The following LACC1 variants were observed in gnomAD, a reference collection of about 807,000 sequenced individuals.
LACC1 encodes laccase domain multifunctional purine nucleosidase 1.
Under a neutral mutation model 34.8 loss-of-function variants are expected in LACC1, and 25 were observed. That is an observed-to-expected ratio of 0.72 (90% CI 0.52 to 1.00). The LOEUF (loss-of-function observed/expected upper bound fraction) is 1.00. Among genes scored for constraint, LACC1 ranks in the 50% least tolerant of loss-of-function variants. The probability of loss-of-function intolerance (pLI) is 0.00; values close to 1 mark genes in which losing one functional copy is unlikely to be tolerated. For synonymous variants in LACC1, 162 were observed against 168.0 expected (o/e 0.96, Z 0.28); for missense variants, 426 against 511.2 (o/e 0.83, Z 1.61).
intron 3 of LACC1, among the ~76,000 whole-genome samples, chr13:43,882,851 C>A (rs888459390): frequency 1.3e-5 from 2 of 151,914 alleles, no homozygotes; most frequent in South Asian, 2.1e-4. Context: ...AGATAACTAC[C>A]AAATTATTTC....
At chr13:43,882,444 A>G in intron 3 of LACC1, 81 bp downstream of exon 3, 2 of 1,037,240 alleles carry the variant, frequency 1.9e-6, no homozygotes, top group Non-Finnish European at 2.8e-6. Context: ...TAAGCTATTT[A>G]ACTTTTGTAT....
In LACC1 at chr13:43,893,124, T is replaced by C. The variant is rs1025185028; in HGVS notation, c.*1677T>C. On this transcript the variant is annotated 3_prime_UTR_variant, in exon 7 of 7. Transcript: ENST00000325686. ...ATATATTTAATGTAAGTTATCACAT[T>C]GCATCTTAAAAATATTCTTATTTAA... 7.2e-5 allele frequency: 11 copies of C among 152,188 alleles called. No individual in the cohort carries two copies. The highest frequency in any genetic ancestry group is 6.5e-4 in the Admixed American group (10 of 15,280). 9.4% of individuals were successfully genotyped at this position (152,188 alleles called of 1,614,324 possible). A position where few individuals can be genotyped will look rare whatever the true frequency, so the allele number is the denominator to read the frequency against.
At chr13:43,886,994 A>C (rs1258780702) in intron 4 of LACC1, among the ~76,000 whole-genome samples, 1 of 152,144 alleles carries the variant, frequency 6.6e-6, no homozygotes, top group East Asian at 1.9e-4. Context: ...TCTCATCTGT[A>C]GAAAAGCCCT....
chr13:43,888,659 A>T, intron 4 of LACC1, 98 bp from the exon 5 acceptor site: 1 of 923,932 alleles, frequency 1.1e-6, no homozygotes, highest in South Asian at 1.5e-5. Context: ...TTTGAAAAAT[A>T]TACAAACTAA....
In LACC1 at chr13:43,892,037, A is replaced by C. The variant is rs1955586289; in HGVS notation, c.*590A>C. ...GGAACACCATGAACCAGGGCATGAA[A>C]CTGAAAGTGCATAACATATTCTAGA... On this transcript the variant is annotated 3_prime_UTR_variant, in exon 7 of 7. Transcript: ENST00000325686. 6.8e-6 allele frequency: 1 copy of C among 147,528 alleles called. No individual in the cohort carries two copies. The highest frequency in any genetic ancestry group is 1.5e-5 in the Non-Finnish European group (1 of 66,848). The allele number at this position is 147,528 out of a possible 1,614,324, so 9.1% of individuals were successfully genotyped here. A position where few individuals can be genotyped will look rare whatever the true frequency, so the allele number is the denominator to read the frequency against.
chr13:43,884,752 C>T (rs995947682), intron 4 of LACC1, among the ~76,000 whole-genome samples: 1 of 151,942 alleles, frequency 6.6e-6, no homozygotes, highest in Non-Finnish European at 1.5e-5. Context: ...TGCTTTTTAG[C>T]TCATAGGTAA....
At chr13:43,890,527 TAGTTAATGA>T (rs1222023918) in intron 6 of LACC1, among the ~76,000 whole-genome samples, 1 of 152,224 alleles carries the variant, frequency 6.6e-6, no homozygotes, top group Admixed American at 6.5e-5. Flanking sequence ...CTCCTTTTCC[TAGTTAATGA>T]AGAATAATTA....
intron 4 of LACC1, among the ~76,000 whole-genome samples, chr13:43,885,150 A>C (rs1464690796): frequency 6.6e-6 from 1 of 152,236 alleles, no homozygotes; most frequent in South Asian, 2.1e-4. Flanking sequence ...ATGGATAGGA[A>C]GAATCAATAT....
Position 43,889,683 on chromosome 13 carries a change from G to A in LACC1, c.1134-431G>A, listed in dbSNP as rs530747768. Among the ~76,000 whole-genome samples the A allele has an allele frequency of 7.7e-4, 117 of 152,208 alleles. 2 individuals carry two copies. The highest frequency in any genetic ancestry group is 7.8e-4 in the Admixed American group (12 of 15,290). ...TTGTAGTCATATTTCATATCATAAA[G>A]TGTTCATGGAGAAGCAAGTTTTCTG... On this transcript the variant is annotated intron_variant, in intron 5 of 6. Transcript: ENST00000325686.
chr13:43,883,807 A>C lies in LACC1; in HGVS notation c.778A>C (p.Lys260Gln), dbSNP rs753526981. 1 of 1,613,418 alleles carries C rather than the reference A, an allele frequency of 6.2e-7. No individual in the cohort carries two copies. Among genetic ancestry groups the C allele is most frequent in the Admixed American group, 1.7e-5 (1 of 59,958 alleles). Residue 260 changes from lysine (K) to glutamine (Q), a missense_variant, in exon 4 of 7, where the codon AAG (lysine) becomes CAG (glutamine). Around this residue, in one of 2 missense-constraint regions of LACC1, gnomAD observed 209 missense variants for 300.3 expected, o/e 0.70. Coordinates refer to ENST00000325686, the MANE Select transcript of LACC1 (RefSeq NM_153218.4). ...HSNDIWIMGR[K>Q]EPDSYDGITT... ...CAATGACATCTGGATTATGGGAAGA[A>C]AGGAGCCTGACTCTTATGATGGAAT...
chr13:43,880,669 A>G (rs1033664879), intron 1 of LACC1, among the ~76,000 whole-genome samples: 2 of 152,202 alleles, frequency 1.3e-5, no homozygotes, highest in South Asian at 4.1e-4. Flanking sequence ...TCCACAAGTA[A>G]TTCCTTACTC....
chr13:43,886,288 C>G (rs1375579318), intron 4 of LACC1, among the ~76,000 whole-genome samples: 1 of 152,140 alleles, frequency 6.6e-6, no homozygotes, highest in East Asian at 1.9e-4. Flanking sequence ...ATTATTCTGC[C>G]ATAAAGACAC....
rs1300505462 is a variant in LACC1, at chr13:43,882,307, C to T, written c.685C>T (p.Leu229=). Residue 229 remains leucine, a synonymous_variant, in exon 3 of 7, where the codon CTG becomes TTG. Coordinates refer to ENST00000325686, the MANE Select transcript of LACC1 (RefSeq NM_153218.4). ...TCCCAAGGTAGTGGTTCAAGAAAAT[C>T]TGCGTAGGTTGGCGAATGCTGCAGG... The part of the protein sequence containing the change: ...RDPKVVVQEN[L]RRLANAAGFN... The T allele has an allele frequency of 1.2e-6, 2 of 1,613,872 alleles. No homozygotes were observed. The highest frequency in any genetic ancestry group is 1.7e-6 in the Non-Finnish European group (2 of 1,179,902).
At position 43,893,387 on chromosome 13, in the gene LACC1, T is replaced by A. The variant is rs763849855; in HGVS notation, c.*1940T>A. 1.3e-5 allele frequency: 2 copies of A among 152,066 alleles called. No individual in the cohort carries two copies. Among genetic ancestry groups the A allele is most frequent in the African/African-American group, 4.8e-5 (2 of 41,450 alleles). The allele number at this position is 152,066 out of a possible 1,614,324, so 9.4% of individuals were successfully genotyped here. A position where few individuals can be genotyped will look rare whatever the true frequency, so the allele number is the denominator to read the frequency against. On this transcript the variant is annotated 3_prime_UTR_variant, in exon 7 of 7. Coordinates refer to ENST00000325686, the MANE Select transcript of LACC1 (RefSeq NM_153218.4). ...ATATGTTTTGTGACTCCAGTTTTCC[T>A]TTCAGATTTTAAAATTAATTAAAGG...
chr13:43,881,597 C>CTT, intron 2 of LACC1, 50 bp downstream of exon 2: 1 of 1,361,134 alleles, frequency 7.3e-7, no homozygotes, highest in Non-Finnish European at 1.0e-6. Flanking sequence ...GAAAACTAGT[C>CTT]TTTCTTCAGA....
chr13:43,881,901 C>A (rs776338586), intron 2 of LACC1, among the ~76,000 whole-genome samples: 3 of 151,734 alleles, frequency 2.0e-5, no homozygotes, highest in Non-Finnish European at 2.9e-5. Flanking sequence ...AAATTTAAAA[C>A]AATCAATCTT....
Position 43,891,704 on chromosome 13 carries a change from A to G in LACC1, c.*257A>G, listed in dbSNP as rs1955575007. 2 of 292,686 alleles carry G rather than the reference A, an allele frequency of 6.8e-6. No individual in the cohort carries two copies. The highest frequency in any genetic ancestry group is 6.5e-5 in the Admixed American group (1 of 15,438). The allele number at this position is 292,686 out of a possible 1,614,324, so 18.1% of individuals were successfully genotyped here. On this transcript the variant is annotated 3_prime_UTR_variant, in exon 7 of 7. Transcript: ENST00000325686. ...TTAAAGTTTGTTCTCCCTGTTTATT[A>G]CACAGATCAGGAATAGATTTGTTCA...
chr13:43,882,215 C>G lies in LACC1; in HGVS notation c.593C>G (p.Thr198Arg), dbSNP rs1285292470. Residue 198 changes from threonine to arginine, a missense_variant, in exon 3 of 7, where the codon ACA (threonine) becomes AGA (arginine). Around this residue, in one of 2 missense-constraint regions of LACC1, gnomAD observed 209 missense variants for 300.3 expected, o/e 0.70. Transcript: ENST00000325686. ...TTCATACATGGATTTACTACAAGAACAGGTGGGATATCTTATATACCAACT... is the reference window on the plus strand; with the variant it reads ...TTCATACATGGATTTACTACAAGAAGAGGTGGGATATCTTATATACCAACT... ...DIFIHGFTTRTGGISYIPTLS... is the reference protein window; with the variant it reads ...DIFIHGFTTRRGGISYIPTLS... The G allele has an allele frequency of 6.2e-7, 1 of 1,607,252 alleles. No homozygotes were observed. The highest frequency in any genetic ancestry group is 2.2e-5 in the East Asian group (1 of 44,776).
chr13:43,882,564 G>GAGAT lies in LACC1; in HGVS notation c.741+202_741+203insGATA, dbSNP rs1555395025. 2.5e-4 allele frequency among the ~76,000 whole-genome samples: 35 copies of GAGAT among 139,142 alleles called. No homozygotes were observed. The East Asian group carries it at 5.7e-3, about 23-fold the overall frequency. The allele number at this position is 139,142 out of a possible 152,430, so 91.3% of individuals were successfully genotyped here. On this transcript the variant is annotated intron_variant, in intron 3 of 6. Coordinates refer to ENST00000325686, the MANE Select transcript of LACC1 (RefSeq NM_153218.4). The stretch of plus-strand genomic sequence containing the variant: ...TTATACACACACACACACACGTGCA[G>GAGAT]ATATATATATATATATATATATGCA...
Sources: gnomAD v4.1 joint callset for allele counts (sites outside exome capture counted in the v4.1 genomes callset) on GRCh38, gnomAD v4.1.1 for gene constraint, gnomAD v4.1.1 regional missense constraint, MANE v1.5 for transcripts, NCBI Gene and HGNC (gene_info 2026-07-23, HGNC 2026-07-21) for gene names.